The following PADI2 variants were observed in gnomAD, a reference collection of about 807,000 sequenced individuals.
PADI2 encodes peptidyl arginine deiminase 2.
Under a neutral mutation model 81.1 loss-of-function variants are expected in PADI2, and 70 were observed. That is an observed-to-expected ratio of 0.86 (90% CI 0.71 to 1.05). The LOEUF (loss-of-function observed/expected upper bound fraction) is 1.05, where lower values mean the gene tolerates loss of function less well. Among genes scored for constraint, PADI2 ranks in the 50% least tolerant of loss-of-function variants. PADI2 has a pLI of 0.00. For synonymous variants in PADI2, 338 were observed against 358.0 expected (o/e 0.94, Z 0.63); for missense variants, 853 against 889.9 (o/e 0.96, Z 0.53).
At chr1:17,087,653 A>C (rs1008054232) in intron 6 of PADI2, among the ~76,000 whole-genome samples, 5 of 151,776 alleles carry the variant, frequency 3.3e-5, no homozygotes, top group Non-Finnish European at 5.9e-5. Context: ...GGCGCCCACC[A>C]CCACATATGG....
intron 8 of PADI2, among the ~76,000 whole-genome samples, chr1:17,084,198 A>G (rs964375363): frequency 3.3e-5 from 5 of 152,200 alleles, no homozygotes; most frequent in Admixed American, 1.3e-4. Context: ...TAGCCATCTA[A>G]TCACAGGCAC....
intron 1 of PADI2, among the ~76,000 whole-genome samples, chr1:17,118,983 G>T (rs1288401059): frequency 6.6e-6 from 1 of 152,146 alleles, no homozygotes; most frequent in Admixed American, 6.5e-5. Flanking sequence ...GGTCCCCCGG[G>T]AGGAGAACTG....
chr1:17,104,822 G>T, intron 2 of PADI2, 56 bp downstream of exon 2: 1 of 1,440,338 alleles, frequency 6.9e-7, no homozygotes, highest in Non-Finnish European at 9.3e-7. Context: ...GGTCCACCCT[G>T]CCTCTATCCT....
rs1309805417 is a variant in PADI2, at chr1:17,070,080, G to A, written c.1764+8C>T. ...ATGGGGCGAGGGTTGGGGTCTGCAG[G>A]GCCTCACCATGTTTGGGAAGAAGGC... On this transcript the variant is annotated splice_region_variant and intron_variant, in intron 15 of 15. Transcript: ENST00000375486. 3.1e-6 allele frequency: 5 copies of A among 1,613,280 alleles called. No individual in the cohort carries two copies. Among genetic ancestry groups the A allele is most frequent in the Admixed American group, 3.3e-5 (2 of 59,944 alleles).
chr1:17,105,954 G>T (rs1262246382), intron 1 of PADI2, among the ~76,000 whole-genome samples: 1 of 152,184 alleles, frequency 6.6e-6, no homozygotes, highest in Non-Finnish European at 1.5e-5. Context: ...ACAGGGTCCT[G>T]TGAAGGTGGA....
intron 11 of PADI2, 193 bp downstream of exon 11, chr1:17,079,071 T>A (rs958515073): frequency 2.0e-6 from 1 of 512,248 alleles, no homozygotes; most frequent in African/African-American, 1.9e-5. Flanking sequence ...ATATATTAGA[T>A]CCTAAATCAC....
At position 17,115,819 on chromosome 1, in the gene PADI2, G is replaced by A. The variant is rs1024249059; in HGVS notation, c.92+3461C>T. ...TTTGGGAAGAGCAGAAGGAAACAGCGAGTATCTTTAACAACAATCACAAAG... is the reference window on the plus strand; with the variant it reads ...TTTGGGAAGAGCAGAAGGAAACAGCAAGTATCTTTAACAACAATCACAAAG... On this transcript the variant is annotated intron_variant, in intron 1 of 15. Transcript: ENST00000375486. This position sits in a 1 kb window ranked among gnomAD's most constrained non-coding sequence, Gnocchi z 4.1. 1.3e-5 allele frequency among the ~76,000 whole-genome samples: 2 copies of A among 152,236 alleles called. No individual in the cohort carries two copies. Among genetic ancestry groups the A allele is most frequent in the Non-Finnish European group, 2.9e-5 (2 of 68,040 alleles).
intron 11 of PADI2, among the ~76,000 whole-genome samples, chr1:17,077,507 G>T (rs183784516): frequency 3.3e-5 from 5 of 152,084 alleles, no homozygotes; most frequent in Non-Finnish European, 7.3e-5. Context: ...TCTTTCTATC[G>T]TTGCAAGTCC....
chr1:17,079,740 T>C (rs922769971), intron 10 of PADI2, among the ~76,000 whole-genome samples: 1 of 151,904 alleles, frequency 6.6e-6, no homozygotes, highest in African/African-American at 2.4e-5. Flanking sequence ...TACATATTGG[T>C]GATTTCAGAA....
intron 1 of PADI2, among the ~76,000 whole-genome samples, chr1:17,109,932 C>G (rs1192048060): frequency 1.3e-5 from 2 of 152,226 alleles, no homozygotes; most frequent in African/African-American, 2.4e-5. Context: ...CTTCATTCCT[C>G]TGGACCAGAG....
chr1:17,113,339 AC>A (rs1931649718), intron 1 of PADI2, among the ~76,000 whole-genome samples: 2 of 152,258 alleles, frequency 1.3e-5, no homozygotes, highest in Non-Finnish European at 2.9e-5. Context: ...TGTCTCAGGC[AC>A]TGTACCAAGC....
intron 4 of PADI2, among the ~76,000 whole-genome samples, chr1:17,093,965 G>A (rs1930807824): frequency 6.6e-6 from 1 of 152,130 alleles, no homozygotes. Flanking sequence ...GAGGCAGGGA[G>A]GTGGAGGCTG....
At chr1:17,080,038 A>G (rs1174323492) in intron 10 of PADI2, among the ~76,000 whole-genome samples, 4 of 151,948 alleles carry the variant, frequency 2.6e-5, no homozygotes, top group Non-Finnish European at 5.9e-5. Context: ...TGATCCACCC[A>G]CCTTGGCCTC....
chr1:17,073,027 G>C (rs2078274962), intron 13 of PADI2, among the ~76,000 whole-genome samples: 1 of 152,178 alleles, frequency 6.6e-6, no homozygotes, highest in South Asian at 2.1e-4. Context: ...TTGGATCTGA[G>C]GGGCAGTCAT....
chr1:17,097,701 T>C (rs1930988042), intron 3 of PADI2, among the ~76,000 whole-genome samples: 1 of 152,084 alleles, frequency 6.6e-6, no homozygotes, highest in East Asian at 1.9e-4. Flanking sequence ...GGGCTGGTAA[T>C]CTGGGAGGCT....
chr1:17,104,926 G>C lies in PADI2; in HGVS notation c.228C>G (p.Thr76=). 1.2e-6 allele frequency: 2 copies of C among 1,603,428 alleles called. No homozygotes were observed. The highest frequency in any genetic ancestry group is 1.7e-6 in the Non-Finnish European group (2 of 1,177,150). The change falls in exon 2 of 16, where the codon ACC becomes ACG. Residue 76 remains threonine (T), a synonymous_variant. Coordinates refer to ENST00000375486, the MANE Select transcript of PADI2 (RefSeq NM_007365.3). ...KQRWLLSPST[T]LRVTMSQAST... is the part of the protein sequence containing the mutation. ...TCGCCTGGCTCATGGTGACCCGCAG[G>C]GTGGTGCTGGGCGAGAGAAGCCAGC... is the stretch of plus-strand genomic sequence containing the variant.
chr1:17,114,576 T>A (rs1931697925), intron 1 of PADI2, among the ~76,000 whole-genome samples: 1 of 151,716 alleles, frequency 6.6e-6, no homozygotes. Context: ...GCATGCAAAG[T>A]GTTGAGAAGC....
At chr1:17,069,552 T>A (rs1213875393) in intron 15 of PADI2, among the ~76,000 whole-genome samples, 1 of 152,200 alleles carries the variant, frequency 6.6e-6, no homozygotes, top group Non-Finnish European at 1.5e-5. Context: ...TGTGTACATG[T>A]ACATGTGTAT....
chr1:17,097,348 C>T (rs1230083775), intron 3 of PADI2, among the ~76,000 whole-genome samples: 1 of 152,198 alleles, frequency 6.6e-6, no homozygotes, highest in African/African-American at 2.4e-5. Flanking sequence ...CCTCCCTTTG[C>T]CTATAGCCTG....
Sources: allele counts gnomAD v4.1 joint callset (sites outside exome capture counted in the v4.1 genomes callset), GRCh38; gene constraint gnomAD v4.1.1; non-coding constraint Gnocchi (gnomAD v3.1); transcripts MANE v1.5; gene names NCBI Gene and HGNC (gene_info 2026-07-23, HGNC 2026-07-21).